Variants in AP3B1 observed in about 807,000 individuals in gnomAD.
AP3B1 encodes adaptor related protein complex 3 subunit beta 1.
Under a neutral mutation model 132.5 loss-of-function variants are expected in AP3B1, and 61 were observed. The ratio of observed to expected loss-of-function variants is 0.46; its 90% CI spans 0.37 to 0.57. The LOEUF is 0.57. AP3B1 is among the 20% of genes least tolerant of loss of function. The probability of loss-of-function intolerance (pLI) is 0.00; values close to 1 mark genes in which losing one functional copy is unlikely to be tolerated. For synonymous variants in AP3B1, 388 were observed against 438.3 expected, an observed-to-expected ratio of 0.89 and a Z score of 1.43; for missense variants, 1,120 against 1,289.4, an observed-to-expected ratio of 0.87 and a Z score of 2.01.
intron 14 of AP3B1, among the ~76,000 whole-genome samples, chr5:78,143,021 A>G (rs1473188983): frequency 6.6e-6 from 1 of 152,186 alleles, no homozygotes; most frequent in Non-Finnish European, 1.5e-5. Context: ...GTTGCCTGCC[A>G]TAATGAAAGG....
At chr5:78,098,795 A>T (rs945624593) in intron 21 of AP3B1, among the ~76,000 whole-genome samples, 4 of 152,238 alleles carry the variant, frequency 2.6e-5, no homozygotes, top group African/African-American at 7.2e-5. Context: ...GCAGTGAGCA[A>T]CACAGAGACC....
chr5:78,003,166 C>T, intron 26 of AP3B1, 111 bp from the exon 27 acceptor site: 1 of 1,292,764 alleles, frequency 7.7e-7, no homozygotes, highest in Admixed American at 2.2e-5. Flanking sequence ...AAATAATTTG[C>T]TGCAGGCTCC....
chr5:78,106,657 T>C (rs145031293), intron 20 of AP3B1, among the ~76,000 whole-genome samples: 66 of 152,218 alleles, frequency 4.3e-4, no homozygotes, highest in African/African-American at 1.5e-3. Flanking sequence ...CCAATGGCAA[T>C]GGTCTATGCA....
chr5:78,123,702 G>A (rs897263959), intron 17 of AP3B1, among the ~76,000 whole-genome samples: 1 of 151,916 alleles, frequency 6.6e-6, no homozygotes, highest in African/African-American at 2.4e-5. Context: ...GAAACAACAG[G>A]TGCTGGAGAG....
chr5:78,070,505 G>T (rs1749491381), intron 22 of AP3B1, among the ~76,000 whole-genome samples: 2 of 151,568 alleles, frequency 1.3e-5, no homozygotes, highest in African/African-American at 4.8e-5. Flanking sequence ...CACAGGCAAA[G>T]ATTTTATGAT....
At chr5:78,180,917 A>G (rs1744338644) in intron 8 of AP3B1, among the ~76,000 whole-genome samples, 1 of 151,996 alleles carries the variant, frequency 6.6e-6, no homozygotes, top group African/African-American at 2.4e-5. Flanking sequence ...AAATGGTTAT[A>G]TAAACAAAAA....
At chr5:78,021,625 G>T (rs78176417) in intron 24 of AP3B1, among the ~76,000 whole-genome samples, 5,041 of 152,162 alleles carry the variant, frequency 0.033, 279 homozygotes, top group African/African-American at 0.12. Context: ...TGAGAAAAAG[G>T]CATTGATCGT....
chr5:78,119,394 G>C (rs1752043290), intron 17 of AP3B1, among the ~76,000 whole-genome samples: 1 of 152,098 alleles, frequency 6.6e-6, no homozygotes, highest in Non-Finnish European at 1.5e-5. Flanking sequence ...ACTACTCCAA[G>C]CTACAGGAGG....
intron 1 of AP3B1, among the ~76,000 whole-genome samples, chr5:78,277,549 C>T (rs755146934): frequency 1.3e-5 from 2 of 152,072 alleles, no homozygotes; most frequent in Non-Finnish European, 2.9e-5. Flanking sequence ...AAGACCTCCA[C>T]GGATAAGTGA....
chr5:78,146,124 G>C (rs918687654), intron 14 of AP3B1, among the ~76,000 whole-genome samples: 1 of 152,172 alleles, frequency 6.6e-6, no homozygotes. Flanking sequence ...ACGTTTAGGA[G>C]TTATCAGGTA....
At chr5:78,046,353 G>A (rs1156633305) in intron 22 of AP3B1, among the ~76,000 whole-genome samples, 3 of 152,206 alleles carry the variant, frequency 2.0e-5, no homozygotes, top group Admixed American at 6.5e-5. Context: ...CGCCCCTTAT[G>A]AGCATCTAAC....
chr5:78,142,757 T>C (rs1753208476), intron 14 of AP3B1, among the ~76,000 whole-genome samples: 1 of 152,182 alleles, frequency 6.6e-6, no homozygotes, highest in African/African-American at 2.4e-5. Flanking sequence ...TTATTTAGCA[T>C]GTTTGGTGAG....
chr5:78,222,941 C>T (rs559586747), intron 6 of AP3B1, among the ~76,000 whole-genome samples: 64 of 152,036 alleles, frequency 4.2e-4, no homozygotes, highest in Non-Finnish European at 8.7e-4. Flanking sequence ...GCAATAGTTT[C>T]TCTGCATTCT....
intron 7 of AP3B1, among the ~76,000 whole-genome samples, chr5:78,199,789 G>A (rs556125872): frequency 2.6e-5 from 4 of 151,764 alleles, no homozygotes; most frequent in African/African-American, 9.7e-5. Context: ...TATATTCTAG[G>A]TAAAGGGAGG....
intron 7 of AP3B1, among the ~76,000 whole-genome samples, chr5:78,207,636 T>C (rs1745564080): frequency 6.6e-6 from 1 of 152,072 alleles, no homozygotes; most frequent in African/African-American, 2.4e-5. Flanking sequence ...CTGGAGATCA[T>C]ATGGAATAAC....
intron 1 of AP3B1, among the ~76,000 whole-genome samples, chr5:78,278,837 C>A (rs149315807): frequency 3.6e-4 from 55 of 152,104 alleles, no homozygotes; most frequent in Middle Eastern, 3.4e-3. Flanking sequence ...GGAGTGCAAA[C>A]CCTCTTGTAA....
chr5:78,115,835 A>T lies in AP3B1; in HGVS notation c.2077+291T>A, dbSNP rs145673051. 3.8e-3 allele frequency among the ~76,000 whole-genome samples: 579 copies of T among 152,296 alleles called. 4 individuals carry two copies. Among genetic ancestry groups the T allele is most frequent in the African/African-American group, 0.013 (548 of 41,574 alleles). On this transcript the variant is annotated intron_variant, in intron 18 of 26. Transcript: ENST00000255194. ...CATCAAGTGTAAAATTATGTTTTTC[A>T]ATAGATATATTAGGCATTGTGGTTT...
At chr5:78,079,868 T>C (rs1021367331) in intron 22 of AP3B1, among the ~76,000 whole-genome samples, 11 of 152,174 alleles carry the variant, frequency 7.2e-5, no homozygotes, top group Non-Finnish European at 8.8e-5. Flanking sequence ...GCATCAGAGG[T>C]AACCAGAATT....
intron 21 of AP3B1, among the ~76,000 whole-genome samples, chr5:78,097,753 C>T (rs576291233): frequency 5.9e-4 from 90 of 152,170 alleles, no homozygotes; most frequent in African/African-American, 1.9e-3. Flanking sequence ...CCCCTCTGCC[C>T]GGCCACCACC....
Sources: allele counts gnomAD v4.1 joint callset (sites outside exome capture counted in the v4.1 genomes callset), GRCh38; gene constraint gnomAD v4.1.1; transcripts MANE v1.5; gene names NCBI Gene and HGNC (gene_info 2026-07-23, HGNC 2026-07-21).